PRTG: variants seen among roughly 807,000 people sequenced by gnomAD.
PRTG encodes immunoglobulin superfamily, DCC subclass, member 5.
PRTG carries 67 observed loss-of-function variants against 122.5 expected under a neutral mutation model. The ratio of observed to expected loss-of-function variants is 0.55; its 90% CI spans 0.45 to 0.67. The LOEUF is 0.67. Ranked by LOEUF, PRTG falls within the 30% of genes least tolerant of loss-of-function variation. PRTG has a pLI of 0.00. For missense variants in PRTG, 1,435 were observed against 1,415.4 expected (o/e 1.01, Z -0.22); for synonymous variants, 554 against 501.1 (o/e 1.11, Z -1.41).
intron 18 of PRTG, 48 bp downstream of exon 18, chr15:55,624,294 A>G: frequency 1.3e-6 from 2 of 1,563,628 alleles, no homozygotes; most frequent in South Asian, 1.2e-5. Flanking sequence ...ACACACAGGG[A>G]GGAGGAATGG....
chr15:55,645,331 G>A (rs185281239), intron 11 of PRTG, among the ~76,000 whole-genome samples: 2,456 of 146,378 alleles, frequency 0.017, 29 homozygotes, highest in Non-Finnish European at 0.026. Context: ...CTACACGGGA[G>A]GCTGAGGCAG....
At chr15:55,634,708 G>T (rs980884960) in intron 15 of PRTG, among the ~76,000 whole-genome samples, 2 of 151,968 alleles carry the variant, frequency 1.3e-5, no homozygotes, top group Non-Finnish European at 2.9e-5. Context: ...CAGGCATGAT[G>T]GCGTGTGCCT....
intron 16 of PRTG, 54 bp downstream of exon 16, chr15:55,628,768 G>C: frequency 7.1e-7 from 1 of 1,416,414 alleles, no homozygotes; most frequent in Non-Finnish European, 9.7e-7. Context: ...AATGTGTAAG[G>C]AAGAACACTT....
At chr15:55,634,685 AC>A (rs2141726351) in intron 15 of PRTG, among the ~76,000 whole-genome samples, 1 of 152,104 alleles carries the variant, frequency 6.6e-6, no homozygotes, top group Admixed American at 6.5e-5. Flanking sequence ...CTACTAAAAT[AC>A]AAAAAATTAG....
intron 2 of PRTG, chr15:55,738,232 A>C (rs1203842136): frequency 5.7e-6 from 2 of 350,268 alleles, no homozygotes; most frequent in Non-Finnish European, 1.0e-5. Flanking sequence ...ACATGTAATT[A>C]TTTATTATTA....
At chr15:55,635,143 G>T (rs557538265) in intron 15 of PRTG, among the ~76,000 whole-genome samples, 1 of 150,540 alleles carries the variant, frequency 6.6e-6, no homozygotes, top group Non-Finnish European at 1.5e-5. Flanking sequence ...CCAGGCTGAA[G>T]TGCTGTGGCA....
At chr15:55,648,852 AC>A (rs1369475104) in intron 11 of PRTG, among the ~76,000 whole-genome samples, 1 of 152,174 alleles carries the variant, frequency 6.6e-6, no homozygotes, top group African/African-American at 2.4e-5. Flanking sequence ...TAATCCCAGC[AC>A]TTTGGGAGGC....
intron 2 of PRTG, among the ~76,000 whole-genome samples, chr15:55,719,129 G>T (rs956716810): frequency 5.3e-5 from 8 of 152,098 alleles, no homozygotes; most frequent in African/African-American, 1.7e-4. Context: ...ATCTTACTTG[G>T]ATTATTAAAA....
intron 11 of PRTG, among the ~76,000 whole-genome samples, chr15:55,659,000 T>C (rs1178838266): frequency 6.6e-6 from 1 of 152,204 alleles, no homozygotes; most frequent in African/African-American, 2.4e-5. Context: ...ACAGGTTTCA[T>C]AAGTTATTAA....
intron 15 of PRTG, among the ~76,000 whole-genome samples, chr15:55,632,614 C>T (rs2059233958): frequency 1.3e-5 from 2 of 152,178 alleles, no homozygotes; most frequent in Admixed American, 1.3e-4. Flanking sequence ...CTTGCTGTTC[C>T]TCTAACATGC....
Position 55,742,900 on chromosome 15 carries a change from AG to A in PRTG, c.31del (p.Leu11CysfsTer32). The A allele has an allele frequency of 6.5e-7, 1 of 1,530,158 alleles. No homozygotes were observed. The highest frequency in any genetic ancestry group is 8.8e-7 in the Non-Finnish European group (1 of 1,137,926). 94.8% of individuals were successfully genotyped at this position (1,530,158 alleles called of 1,614,324 possible). MAPPLRPLAR[L>X]RPPGMLLRAL... ...GCGGAGCAGCATCCCCGGCGGTCGCAGCCGGGCGAGGGGTCGCAGAGGAGGC... is the reference window on the plus strand; with the variant it reads ...GCGGAGCAGCATCCCCGGCGGTCGCACCGGGCGAGGGGTCGCAGAGGAGGC... On this transcript the variant is annotated frameshift_variant, in exon 1 of 20. Transcript: ENST00000389286. LOFTEE classifies it high-confidence loss of function.
At chr15:55,639,303 T>G (rs1235975120) in intron 13 of PRTG, among the ~76,000 whole-genome samples, 2 of 152,174 alleles carry the variant, frequency 1.3e-5, no homozygotes, top group African/African-American at 4.8e-5. Flanking sequence ...GAAAGACAAC[T>G]GGCCCTACTT....
chr15:55,679,181 C>G, intron 7 of PRTG, 105 bp downstream of exon 7: 1 of 700,836 alleles, frequency 1.4e-6, no homozygotes, highest in Non-Finnish European at 2.3e-6. Context: ...TTGTTAATAA[C>G]TATCAAGATA....
At position 55,679,339 on chromosome 15, in the gene PRTG, C is replaced by T. The variant is rs1377791458; in HGVS notation, c.1080G>A (p.Trp360Ter). Residue 360 changes from tryptophan (W) to a stop codon, truncating the protein, a stop_gained, in exon 7 of 20, where the codon TGG becomes TGA. Transcript: ENST00000389286. LOFTEE classifies it high-confidence loss of function. ...AATGTATCTTCCTTCCATTTTTCAACCATGACATCTTGGGAGAGGGGATTC... is the reference window on the plus strand; with the variant it reads ...AATGTATCTTCCTTCCATTTTTCAATCATGACATCTTGGGAGAGGGGATTC... ...AEGIPSPKMSWLKNGRKIHSN... is the reference protein window; with the variant it reads ...AEGIPSPKMS 1.2e-6 allele frequency: 2 copies of T among 1,613,086 alleles called. No individual in the cohort carries two copies. The highest frequency in any genetic ancestry group is 2.7e-5 in the African/African-American group (2 of 74,894).
At chr15:55,712,393 G>C (rs1466945700) in intron 2 of PRTG, among the ~76,000 whole-genome samples, 1 of 152,186 alleles carries the variant, frequency 6.6e-6, no homozygotes, top group Non-Finnish European at 1.5e-5. Context: ...AGGTTTTCCA[G>C]AAAGCTGTTT....
chr15:55,639,536 C>T, intron 13 of PRTG, 106 bp downstream of exon 13: 2 of 899,884 alleles, frequency 2.2e-6, no homozygotes, highest in Admixed American at 2.6e-5. Context: ...GAAACAAATG[C>T]TTACAGGTGA....
At chr15:55,741,931 G>A (rs1259487049) in intron 1 of PRTG, among the ~76,000 whole-genome samples, 1 of 152,186 alleles carries the variant, frequency 6.6e-6, no homozygotes, top group Non-Finnish European at 1.5e-5. Flanking sequence ...CCTAGCGTCT[G>A]TAACCTGCAA....
intron 2 of PRTG, among the ~76,000 whole-genome samples, chr15:55,730,126 G>A (rs12592192): frequency 0.16 from 24,699 of 151,890 alleles, 2,796 homozygotes; most frequent in East Asian, 0.55. Flanking sequence ...TTTTGAGATG[G>A]GGTTTCTCTC....
At chr15:55,646,853 C>T (rs1006620137) in intron 11 of PRTG, among the ~76,000 whole-genome samples, 1 of 152,154 alleles carries the variant, frequency 6.6e-6, no homozygotes, top group African/African-American at 2.4e-5. Flanking sequence ...GGGAGTCACC[C>T]TTTGGCCCAA....
Sources: gnomAD v4.1 joint callset for allele counts (sites outside exome capture counted in the v4.1 genomes callset) on GRCh38, gnomAD v4.1.1 for gene constraint, MANE v1.5 for transcripts, NCBI Gene and HGNC (gene_info 2026-07-23, HGNC 2026-07-21) for gene names.